Variants in ZNF568 observed in about 807,000 individuals in gnomAD.
The protein encoded by ZNF568 is p53 inhibitor of SCO2 activation.
Under a neutral mutation model 18.1 loss-of-function variants are expected in ZNF568, and 11 were observed. The observed-to-expected ratio is 0.61, with a 90% CI of 0.38 to 1.00. The LOEUF is 1.00. ZNF568 is among the 50% of genes least tolerant of loss of function. The pLI is 0.01. For missense variants in ZNF568, 639 were observed against 768.2 expected (o/e 0.83, Z 1.99); for synonymous variants, 213 against 246.6 (o/e 0.86, Z 1.28).
intron 2 of ZNF568, among the ~76,000 whole-genome samples, chr19:36,988,628 C>T (rs2074397081): frequency 6.6e-6 from 1 of 152,148 alleles, no homozygotes; most frequent in African/African-American, 2.4e-5. Flanking sequence ...GTTCCAGTCA[C>T]CTCCCGCCAG....
At chr19:36,924,890 CTA>C (rs1168089861) in intron 3 of ZNF568, among the ~76,000 whole-genome samples, 2 of 151,406 alleles carry the variant, frequency 1.3e-5, no homozygotes, top group Non-Finnish European at 2.9e-5. Flanking sequence ...TTTGGGGTAA[CTA>C]TTATTATGTA....
chr19:36,991,085 C>A (rs899811375), intron 2 of ZNF568: 3 of 1,354,346 alleles, frequency 2.2e-6, no homozygotes, highest in African/African-American at 2.9e-5. Context: ...ATGGAACTTC[C>A]CTATTGAATT....
At chr19:36,938,458 G>C (rs1389869659) in intron 6 of ZNF568, among the ~76,000 whole-genome samples, 1 of 152,050 alleles carries the variant, frequency 6.6e-6, no homozygotes, top group Admixed American at 6.6e-5. Flanking sequence ...ACTAAGGAAA[G>C]AAAACTACAT....
chr19:36,980,847 G>A (rs2074325564), downstream of ZNF568, among the ~76,000 whole-genome samples: 1 of 152,132 alleles, frequency 6.6e-6, no homozygotes, highest in Admixed American at 6.5e-5. Flanking sequence ...CTCCTTGCCT[G>A]AAAGTCAAGC....
rs386388962 is a variant in ZNF568 at position 36,939,532 on chromosome 19, C to CTTTTTTTTTTTTT, written c.358+2303_358+2315dup. ...GGTTCATTGAAGATGTATTTTCTTT[C>CTTTTTTTTTTTTT]TTTTTTTTTTTTTTTTTTTTTTTTT... On this transcript the variant is annotated intron_variant, in intron 6 of 6. Transcript: ENST00000333987. Among the ~76,000 whole-genome samples, 15 of 93,068 alleles carry CTTTTTTTTTTTTT rather than the reference C, an allele frequency of 1.6e-4. 2 individuals carry two copies. The highest frequency in any genetic ancestry group is 5.2e-4 in the African/African-American group (12 of 23,080). 61.1% of individuals were successfully genotyped at this position (93,068 alleles called of 152,430 possible).
chr19:36,923,685 A>G (rs1182830213), intron 3 of ZNF568, among the ~76,000 whole-genome samples: 2 of 151,760 alleles, frequency 1.3e-5, no homozygotes, highest in Non-Finnish European at 2.9e-5. Flanking sequence ...AAATGTGACT[A>G]TGCCATGTTG....
intron 6 of ZNF568, among the ~76,000 whole-genome samples, chr19:36,947,413 G>C (rs1414024228): frequency 6.6e-6 from 1 of 152,120 alleles, no homozygotes; most frequent in Non-Finnish European, 1.5e-5. Context: ...CATTCATGAG[G>C]CTAAATAACA....
rs146155989 is a variant in ZNF568, at chr19:36,993,130, T to C, written c.229+1284T>C. Among the ~76,000 whole-genome samples the C allele has an allele frequency of 5.4e-4, 83 of 152,326 alleles. No homozygotes were observed. In the East Asian group the frequency reaches 0.013, roughly 23 times the overall value. ...TATATAGGTTCCCTTCTTTTCTTCG[T>C]TTGTTGAGTATTTTTGTCATGAAAG... On this transcript the variant is annotated intron_variant, in intron 4 of 4. Transcript: ENST00000433993.
intron 6 of ZNF568, among the ~76,000 whole-genome samples, chr19:36,941,610 G>A (rs1031670542): frequency 3.2e-4 from 49 of 152,108 alleles, no homozygotes; most frequent in Non-Finnish European, 1.5e-5. Context: ...AGAAATAAAG[G>A]AATTTGAACT....
chr19:36,924,756 G>A (rs2073522874), intron 3 of ZNF568, among the ~76,000 whole-genome samples: 1 of 150,966 alleles, frequency 6.6e-6, no homozygotes, highest in Non-Finnish European at 1.5e-5. Flanking sequence ...GCTTGAACCT[G>A]GGAGGCAGAG....
chr19:36,997,548 C>T (rs780491385), downstream of ZNF568: 11 of 1,582,608 alleles, frequency 7.0e-6, no homozygotes, highest in South Asian at 1.1e-5. Context: ...AGAAACCCTA[C>T]GAGTGTAAGG....
chr19:36,933,898 GGTTTTTTTTTTTGTTTTGTTT>G (rs778586204), intron 4 of ZNF568, among the ~76,000 whole-genome samples: 2 of 25,776 alleles, frequency 7.8e-5, no homozygotes, highest in South Asian at 1.0e-3. Context: ...CTTTTGGGTA[GGTTTTTTTTTTTGTTTTGTTT>G]TTTTGTTTTT....
intron 4 of ZNF568, among the ~76,000 whole-genome samples, chr19:36,992,891 C>G (rs2074438209): frequency 6.6e-6 from 1 of 152,218 alleles, no homozygotes; most frequent in Admixed American, 6.5e-5. Flanking sequence ...TGATATCACA[C>G]AACATATAAT....
At chr19:36,959,601 G>T (rs2074132804) in intron 6 of ZNF568, among the ~76,000 whole-genome samples, 1 of 152,008 alleles carries the variant, frequency 6.6e-6, no homozygotes, top group Non-Finnish European at 1.5e-5. Context: ...GTTTTTCTTT[G>T]TATGGTATAA....
intron 6 of ZNF568, among the ~76,000 whole-genome samples, chr19:36,958,635 T>TTTTTTTTTC (rs1568398128): frequency 6.9e-6 from 1 of 145,250 alleles, no homozygotes; most frequent in African/African-American, 2.6e-5. Flanking sequence ...TTTTTTTTTT[T>TTTTTTTTTC]TTTGAGACAG....
chr19:36,929,549 G>A (rs1415055835), intron 4 of ZNF568, among the ~76,000 whole-genome samples: 1 of 152,130 alleles, frequency 6.6e-6, no homozygotes, highest in East Asian at 1.9e-4. Context: ...GCCGGGTGTG[G>A]TCGTACACAC....
At chr19:36,967,006 A>T (rs1342564840) in intron 6 of ZNF568, among the ~76,000 whole-genome samples, 1 of 152,142 alleles carries the variant, frequency 6.6e-6, no homozygotes, top group African/African-American at 2.4e-5. Context: ...CTGATGTGGA[A>T]ACCATGCATC....
rs184083975 is a variant in ZNF568 at position 36,970,081 on chromosome 19, T to C, written c.359-4339T>C. Among the ~76,000 whole-genome samples, 9 of 124,596 alleles carry C rather than the reference T, an allele frequency of 7.2e-5. 1 individual carries two copies. In the East Asian group the frequency reaches 1.8e-3, roughly 25 times the overall value. 81.7% of individuals were successfully genotyped at this position (124,596 alleles called of 152,430 possible). On this transcript the variant is annotated intron_variant, in intron 6 of 7. Coordinates refer to the ZNF568 transcript ENST00000427117. ...CTGGCCTCCATCTCAAGATTATTAG[T>C]TGAAGCATATCTGCTGCAGAGCCTC...
chr19:36,922,193 G>A (rs975917596), intron 2 of ZNF568, among the ~76,000 whole-genome samples: 6 of 152,126 alleles, frequency 3.9e-5, no homozygotes, highest in African/African-American at 9.7e-5. Context: ...GTTGTCAGCC[G>A]GGCTGCAGTC....
Sources: gnomAD v4.1 joint callset for allele counts (sites outside exome capture counted in the v4.1 genomes callset) on GRCh38, gnomAD v4.1.1 for gene constraint, MANE v1.5 for transcripts, NCBI Gene and HGNC (gene_info 2026-07-23, HGNC 2026-07-21) for gene names.